Variants in OXSR1 observed in about 807,000 individuals in gnomAD.
OXSR1 encodes the protein oxidative stress responsive kinase 1, also known as serine/threonine-protein kinase OSR1.
OXSR1 carries 24 observed loss-of-function variants against 79.8 expected under a neutral mutation model. The ratio of observed to expected loss-of-function variants is 0.30; its 90% CI spans 0.22 to 0.42. The LOEUF is 0.42. Among genes scored for constraint, OXSR1 ranks in the 10% least tolerant of loss-of-function variants. The pLI is 1.00. For synonymous variants in OXSR1, 226 were observed against 209.2 expected, an observed-to-expected ratio of 1.08 and a Z score of -0.69; for missense variants, 430 against 618.4, an observed-to-expected ratio of 0.70 and a Z score of 3.23.
At chr3:38,218,888 AG>A (rs1237875300) in intron 5 of OXSR1, among the ~76,000 whole-genome samples, 1 of 152,056 alleles carries the variant, frequency 6.6e-6, no homozygotes, top group Non-Finnish European at 1.5e-5. Flanking sequence ...AGTTGCACAA[AG>A]GGGGGGACCT....
chr3:38,202,759 G>T (rs1702187097), intron 4 of OXSR1, among the ~76,000 whole-genome samples: 1 of 152,196 alleles, frequency 6.6e-6, no homozygotes, highest in Non-Finnish European at 1.5e-5. Flanking sequence ...TAACCAGTGG[G>T]TATAGGGTCA....
intron 4 of OXSR1, among the ~76,000 whole-genome samples, chr3:38,209,633 CTTTT>C (rs36124151): frequency 3.8e-5 from 5 of 132,220 alleles, no homozygotes; most frequent in Admixed American, 2.3e-4. Context: ...ATCAATTATA[CTTTT>C]TTTTTTTTTT....
chr3:38,218,616 A>G (rs1702530605), intron 5 of OXSR1, among the ~76,000 whole-genome samples: 1 of 152,184 alleles, frequency 6.6e-6, no homozygotes, highest in Non-Finnish European at 1.5e-5. Flanking sequence ...ATTTTCTCCC[A>G]GTCTGTGGGT....
At chr3:38,179,284 C>T (rs1701736744) in intron 1 of OXSR1, among the ~76,000 whole-genome samples, 1 of 152,146 alleles carries the variant, frequency 6.6e-6, no homozygotes, top group Non-Finnish European at 1.5e-5. Flanking sequence ...TCCACCTTGG[C>T]CTCCCGAAGT....
At chr3:38,228,977 G>C (rs574099876) in intron 8 of OXSR1, among the ~76,000 whole-genome samples, 10 of 152,308 alleles carry the variant, frequency 6.6e-5, no homozygotes, top group African/African-American at 2.4e-4. Flanking sequence ...GTTGTGATTT[G>C]CTCAGGATCA....
At chr3:38,247,892 ACAGTGTGAGGAC>A (rs1559529507) in intron 14 of OXSR1, among the ~76,000 whole-genome samples, 160 bp downstream of exon 14, 1 of 152,194 alleles carries the variant, frequency 6.6e-6, no homozygotes, top group Non-Finnish European at 1.5e-5. Flanking sequence ...AATAATAGCA[ACAGTGTGAGGAC>A]CTGCATGTTA....
intron 9 of OXSR1, among the ~76,000 whole-genome samples, chr3:38,230,005 A>C (rs572388913): frequency 6.6e-6 from 1 of 152,174 alleles, no homozygotes; most frequent in Non-Finnish European, 1.5e-5. Flanking sequence ...AAAAATACCG[A>C]ACTCTGGTTT....
At chr3:38,200,235 C>T (rs1387845190) in intron 4 of OXSR1, among the ~76,000 whole-genome samples, 1 of 152,118 alleles carries the variant, frequency 6.6e-6, no homozygotes, top group Non-Finnish European at 1.5e-5. Context: ...CCCTTTTCTG[C>T]TTCTTTAGGC....
At chr3:38,203,821 A>T (rs1052294465) in intron 4 of OXSR1, among the ~76,000 whole-genome samples, 1 of 152,098 alleles carries the variant, frequency 6.6e-6, no homozygotes, top group Non-Finnish European at 1.5e-5. Context: ...CCCAGGGCCC[A>T]TGGTAACCAC....
chr3:38,187,623 GCT>G (rs1701908421), intron 2 of OXSR1, among the ~76,000 whole-genome samples: 1 of 152,126 alleles, frequency 6.6e-6, no homozygotes, highest in African/African-American at 2.4e-5. Context: ...GAAAAAAAAG[GCT>G]TCAGAAAGCT....
chr3:38,185,672 G>A (rs563985661), intron 2 of OXSR1, among the ~76,000 whole-genome samples: 4 of 152,050 alleles, frequency 2.6e-5, no homozygotes, highest in South Asian at 4.2e-4. Flanking sequence ...GCTAGGGGTG[G>A]TTGCTCACGC....
intron 3 of OXSR1, among the ~76,000 whole-genome samples, chr3:38,196,679 C>T (rs989516271): frequency 6.6e-6 from 1 of 152,170 alleles, no homozygotes; most frequent in Non-Finnish European, 1.5e-5. Context: ...GGAGTTCCTG[C>T]TTCAAACTCT....
chr3:38,205,649 G>T (rs1012999323), intron 4 of OXSR1, among the ~76,000 whole-genome samples: 1 of 152,200 alleles, frequency 6.6e-6, no homozygotes, highest in Admixed American at 6.5e-5. Context: ...AGTTGACAGT[G>T]TCACTGGGTG....
intron 10 of OXSR1, among the ~76,000 whole-genome samples, chr3:38,233,075 C>T (rs1229132913): frequency 1.3e-5 from 2 of 152,020 alleles, no homozygotes; most frequent in Non-Finnish European, 2.9e-5. Context: ...TGGTCCCTCC[C>T]CCACTCCATG....
intron 2 of OXSR1, among the ~76,000 whole-genome samples, chr3:38,185,591 A>G (rs2125810755): frequency 1.3e-5 from 2 of 152,124 alleles, no homozygotes; most frequent in East Asian, 3.9e-4. Context: ...GTCTCAAAAA[A>G]CAAACAAGAA....
intron 7 of OXSR1, among the ~76,000 whole-genome samples, chr3:38,224,195 C>T (rs946270789): frequency 6.6e-6 from 1 of 152,200 alleles, no homozygotes; most frequent in Non-Finnish European, 1.5e-5. Flanking sequence ...CCTTGGCAAT[C>T]ACTTTTTGTC....
chr3:38,180,177 A>G (rs1338157692), intron 1 of OXSR1, among the ~76,000 whole-genome samples: 2 of 152,178 alleles, frequency 1.3e-5, no homozygotes, highest in East Asian at 3.9e-4. Flanking sequence ...CTCTGGTTTC[A>G]AGTGATCCAC....
chr3:38,191,609 T>C (rs867824728), intron 3 of OXSR1, among the ~76,000 whole-genome samples: 2 of 152,230 alleles, frequency 1.3e-5, no homozygotes, highest in Non-Finnish European at 2.9e-5. Context: ...TTGGTGATGC[T>C]GTGTATTTCA....
intron 4 of OXSR1, among the ~76,000 whole-genome samples, chr3:38,213,873 A>G (rs983955254): frequency 2.0e-5 from 3 of 152,230 alleles, no homozygotes; most frequent in African/African-American, 7.2e-5. Flanking sequence ...TTTTAAAGAA[A>G]ATACAAATGG....
Sources: gnomAD v4.1 joint callset for allele counts (sites outside exome capture counted in the v4.1 genomes callset) on GRCh38, gnomAD v4.1.1 for gene constraint, MANE v1.5 for transcripts, NCBI Gene and HGNC (gene_info 2026-07-23, HGNC 2026-07-21) for gene names.